CLDND1: variants seen among roughly 807,000 people sequenced by gnomAD.
The protein encoded by CLDND1 is claudin domain containing 1.
In CLDND1, 13 loss-of-function variants were observed where a neutral mutation model predicts 26.3. That is an observed-to-expected ratio of 0.49 (90% CI 0.32 to 0.78). CLDND1 has a LOEUF of 0.78. Among genes scored for constraint, CLDND1 ranks in the 30% least tolerant of loss-of-function variants. The pLI, the probability that CLDND1 is intolerant of heterozygous loss-of-function variation, is 0.03. For missense variants in CLDND1, 289 were observed against 312.8 expected (o/e 0.92, Z 0.57); for synonymous variants, 107 against 107.0 (o/e 1.00, Z 0.00).
At position 98,515,690 on chromosome 3, in the gene CLDND1, T is replaced by G. The variant is rs1388533152; in HGVS notation, c.*969A>C. Reference sequence around the variant, plus strand: ...ATGTTGATACACACCAGGAAGGGATTTAGGCAAGGAAAGGCACATCATATT... The same window carrying G: ...ATGTTGATACACACCAGGAAGGGATGTAGGCAAGGAAAGGCACATCATATT... On this transcript the variant is annotated 3_prime_UTR_variant, in exon 5 of 5. Coordinates refer to ENST00000341181, the MANE Select transcript of CLDND1 (RefSeq NM_001040181.2). 1 of 1,285,902 alleles carries G rather than the reference T, an allele frequency of 7.8e-7. No homozygotes were observed. Among genetic ancestry groups the G allele is most frequent in the Non-Finnish European group, 1.0e-6 (1 of 986,638 alleles). 79.7% of individuals were successfully genotyped at this position (1,285,902 alleles called of 1,614,324 possible). A position where few individuals can be genotyped will look rare whatever the true frequency, so the allele number is the denominator to read the frequency against.
intron 1 of CLDND1, chr3:98,521,924 TA>T: frequency 3.7e-6 from 2 of 539,048 alleles, no homozygotes; most frequent in South Asian, 5.4e-5. Context: ...GGAAGCCTCC[TA>T]AAACAAAGGT....
At chr3:98,519,786 C>T (rs950501143) in intron 2 of CLDND1, among the ~76,000 whole-genome samples, 8 of 152,168 alleles carry the variant, frequency 5.3e-5, no homozygotes, top group African/African-American at 1.9e-4. Flanking sequence ...GGCATGCTCC[C>T]GCCATAGAGC....
intron 1 of CLDND1, chr3:98,521,854 T>C (rs186812275): frequency 7.2e-5 from 45 of 629,278 alleles, no homozygotes; most frequent in Non-Finnish European, 9.2e-5. Context: ...GTTTGAGTGT[T>C]AAAAAGGCAC....
At chr3:98,522,560 T>TG (rs747293733) in intron 1 of CLDND1, 78 of 1,359,978 alleles carry the variant, frequency 5.7e-5, no homozygotes, top group Non-Finnish European at 7.0e-5. Flanking sequence ...GTCCCAGCAC[T>TG]GGGAACGGCG....
At position 98,515,707 on chromosome 3, in the gene CLDND1, C is replaced by T; in HGVS notation, c.*952G>A. On this transcript the variant is annotated 3_prime_UTR_variant, in exon 5 of 5. Transcript: ENST00000341181. ...GAAGGGATTTAGGCAAGGAAAGGCACATCATATTACCACAAGAAATAAAGA... is the reference window on the plus strand; with the variant it reads ...GAAGGGATTTAGGCAAGGAAAGGCATATCATATTACCACAAGAAATAAAGA... The T allele has an allele frequency of 7.8e-7, 1 of 1,288,778 alleles. No homozygotes were observed. Among genetic ancestry groups the T allele is most frequent in the Non-Finnish European group, 1.0e-6 (1 of 988,326 alleles). The allele number at this position is 1,288,778 out of a possible 1,614,324, so 79.8% of individuals were successfully genotyped here.
At position 98,522,715 on chromosome 3, in the gene CLDND1, G is replaced by A. The variant is rs574889009; in HGVS notation, c.-19+134C>T. ...GACCAGGCCCCGCCCTAGAGGGCTC[G>A]GCCCTGGGACAAATCCGCCGCTCGG... On this transcript the variant is annotated intron_variant, in intron 1 of 4. Coordinates refer to ENST00000341181, the MANE Select transcript of CLDND1 (RefSeq NM_001040181.2). The A allele has an allele frequency of 6.0e-5, 93 of 1,545,624 alleles. No homozygotes were observed. In the Middle Eastern group the frequency reaches 7.8e-4, roughly 13 times the overall value.
chr3:98,521,638 T>G (rs1576274118), intron 1 of CLDND1, 196 bp from the exon 2 acceptor site: 1 of 1,603,676 alleles, frequency 6.2e-7, no homozygotes, highest in Admixed American at 1.7e-5. Context: ...AAGTACTTAT[T>G]GAATGCTCAC....
rs749355639 is a variant in CLDND1, at chr3:98,518,903, T to C, written c.385A>G (p.Ile129Val). Reference protein sequence around the residue: ...FVDPGNHNSGIDLLRTYLWRC... With the variant: ...FVDPGNHNSGVDLLRTYLWRC... ...TACTCACAGGTCCTAAGGAGATCAA[T>C]CCCGCTATTGTGGTTTCCGGGATCA... is the stretch of plus-strand genomic sequence containing the variant. The change falls in exon 3 of 5, where the codon ATT (isoleucine) becomes GTT (valine). Residue 129 changes from isoleucine (I) to valine (V), a missense_variant. Transcript: ENST00000341181. 1.2e-6 allele frequency: 2 copies of C among 1,608,272 alleles called. No individual in the cohort carries two copies. Among genetic ancestry groups the C allele is most frequent in the South Asian group, 2.2e-5 (2 of 90,906 alleles).
intron 2 of CLDND1, among the ~76,000 whole-genome samples, chr3:98,519,401 T>G (rs1706302377): frequency 6.6e-6 from 1 of 152,220 alleles, no homozygotes; most frequent in Admixed American, 6.5e-5. Context: ...GAGTAATTCT[T>G]GTACATTTAC....
intron 1 of CLDND1, 189 bp downstream of exon 1, chr3:98,522,660 T>C (rs1436460661): frequency 7.0e-7 from 1 of 1,422,164 alleles, no homozygotes; most frequent in Non-Finnish European, 9.1e-7. Flanking sequence ...GCAGCCGTGC[T>C]CGGCCCCGGG....
At chr3:98,522,455 A>C in intron 1 of CLDND1, 1 of 869,306 alleles carries the variant, frequency 1.2e-6, no homozygotes, top group Non-Finnish European at 1.5e-6. Context: ...AGGAAAGATA[A>C]GAGCAATGAC....
intron 1 of CLDND1, chr3:98,522,233 C>G: frequency 6.3e-6 from 1 of 157,874 alleles, no homozygotes; most frequent in South Asian, 1.8e-4. Context: ...CTCAGCCAGA[C>G]AGAAAACTCT....
rs148564759 is a variant in CLDND1, at chr3:98,516,299, G to A, written c.*360C>T. 3.8e-6 allele frequency: 4 copies of A among 1,045,882 alleles called. No individual in the cohort carries two copies. In the African/African-American group the frequency reaches 6.9e-5, roughly 18 times the overall value. 64.8% of individuals were successfully genotyped at this position (1,045,882 alleles called of 1,614,324 possible). A position where few individuals can be genotyped will look rare whatever the true frequency, so the allele number is the denominator to read the frequency against. ...CAAAGAAACTAATATAGAGTTTTTA[G>A]TTGAACAGATACAGTTACTTTAGTT... On this transcript the variant is annotated 3_prime_UTR_variant, in exon 5 of 5. Coordinates refer to ENST00000341181, the MANE Select transcript of CLDND1 (RefSeq NM_001040181.2).
chr3:98,516,905 A>G, intron 4 of CLDND1, 26 bp from the exon 5 acceptor site: 1 of 1,613,388 alleles, frequency 6.2e-7, no homozygotes, highest in Non-Finnish European at 8.5e-7. Context: ...AGAAAACAAA[A>G]CAAAACATGG....
At chr3:98,522,769 A>C in intron 1 of CLDND1, 80 bp downstream of exon 1, 2 of 1,610,816 alleles carry the variant, frequency 1.2e-6, no homozygotes, top group Non-Finnish European at 8.5e-7. Context: ...ACGCCCGGGA[A>C]GGGGGCCCCT....
At position 98,516,269 on chromosome 3, in the gene CLDND1, T is replaced by C; in HGVS notation, c.*390A>G. 9.7e-7 allele frequency: 1 copy of C among 1,027,196 alleles called. No individual in the cohort carries two copies. Among genetic ancestry groups the C allele is most frequent in the Non-Finnish European group, 1.2e-6 (1 of 855,916 alleles). The allele number at this position is 1,027,196 out of a possible 1,614,324, so 63.6% of individuals were successfully genotyped here. On this transcript the variant is annotated 3_prime_UTR_variant, in exon 5 of 5. Coordinates refer to ENST00000341181, the MANE Select transcript of CLDND1 (RefSeq NM_001040181.2). The stretch of plus-strand genomic sequence containing the variant: ...AACATAAAGTTTTGACGATGAGAGG[T>C]TTCCCAAAGAAACTAATATAGAGTT...
rs1706477252 is a variant in CLDND1, at chr3:98,522,676, G to A, written c.-19+173C>T. On this transcript the variant is annotated intron_variant, in intron 1 of 4. Coordinates refer to ENST00000341181, the MANE Select transcript of CLDND1 (RefSeq NM_001040181.2). ...CAGCCGTGCTCGGCCCCGGGCCAGG[G>A]TCCCCCGGTACCCGACCAGGCCCCG... The A allele has an allele frequency of 5.5e-6, 8 of 1,444,076 alleles. No homozygotes were observed. In the South Asian group the frequency reaches 5.8e-5, roughly 10 times the overall value. 89.5% of individuals were successfully genotyped at this position (1,444,076 alleles called of 1,614,324 possible).
chr3:98,518,368 T>C (rs948886771), intron 3 of CLDND1, among the ~76,000 whole-genome samples: 2 of 152,208 alleles, frequency 1.3e-5, no homozygotes, highest in Non-Finnish European at 2.9e-5. Context: ...CAGTATTTCA[T>C]GGGCTGCCTG....
At chr3:98,517,852 GC>G (rs1341250674) in intron 3 of CLDND1, among the ~76,000 whole-genome samples, 1 of 152,130 alleles carries the variant, frequency 6.6e-6, no homozygotes, top group Non-Finnish European at 1.5e-5. Flanking sequence ...AAGTGGTAGA[GC>G]CAGGATTTGA....
Sources: allele counts gnomAD v4.1 joint callset (sites outside exome capture counted in the v4.1 genomes callset), GRCh38; gene constraint gnomAD v4.1.1; transcripts MANE v1.5; gene names NCBI Gene and HGNC (gene_info 2026-07-23, HGNC 2026-07-21).